CACNA1D: variants seen among roughly 807,000 people sequenced by gnomAD.
The protein encoded by CACNA1D is calcium voltage-gated channel subunit alpha1 D, also known as voltage-dependent L-type calcium channel subunit alpha-1D.
A neutral mutation model predicts 257.1 loss-of-function variants in CACNA1D; 55 were observed. The observed-to-expected ratio is 0.21, with a 90% CI of 0.17 to 0.27. The LOEUF is 0.27. CACNA1D is among the 10% of genes least tolerant of loss of function. The pLI is 1.00. For synonymous variants in CACNA1D, 980 were observed against 1,014.9 expected, an observed-to-expected ratio of 0.97 and a Z score of 0.65; for missense variants, 1,876 against 2,784.0, an observed-to-expected ratio of 0.67 and a Z score of 7.34.
At chr3:53,651,015 G>T in intron 4 of CACNA1D, 97 bp downstream of exon 4, 1 of 1,162,674 alleles carries the variant, frequency 8.6e-7, no homozygotes, top group Non-Finnish European at 1.3e-6. Context: ...TAGGGAATGT[G>T]GTTGCTCTTT....
intron 4 of CACNA1D, among the ~76,000 whole-genome samples, chr3:53,658,355 G>A (rs1449176570): frequency 6.6e-6 from 1 of 152,192 alleles, no homozygotes; most frequent in Non-Finnish European, 1.5e-5. Context: ...ATAACTCTTA[G>A]GAGTGGAAAC....
In CACNA1D at chr3:53,680,938, G is replaced by T. The variant is rs561873946; in HGVS notation, c.1220+7812G>T. Among the ~76,000 whole-genome samples the T allele has an allele frequency of 9.9e-5, 15 of 152,264 alleles. No individual in the cohort carries two copies. In the South Asian group the frequency reaches 2.1e-3, roughly 21 times the overall value. On this transcript the variant is annotated intron_variant, in intron 8 of 47. Transcript: ENST00000350061. ...AAGACCAGTAGATCTATAGTGTAGG[G>T]AACTCTTCCTTGTTAAAGTTCAACA... is the stretch of plus-strand genomic sequence containing the variant.
chr3:53,636,598 G>T (rs936623583), intron 3 of CACNA1D, among the ~76,000 whole-genome samples: 1 of 152,222 alleles, frequency 6.6e-6, no homozygotes, highest in African/African-American at 2.4e-5. Context: ...ATTAGCCACT[G>T]CGCCTGGCCG....
chr3:53,593,884 C>T (rs1400851068), intron 3 of CACNA1D, among the ~76,000 whole-genome samples: 1 of 152,218 alleles, frequency 6.6e-6, no homozygotes, highest in Non-Finnish European at 1.5e-5. Context: ...GAGATGGCTG[C>T]AGTCCCAGCC....
intron 3 of CACNA1D, among the ~76,000 whole-genome samples, chr3:53,645,420 G>GT (rs1232436690): frequency 2.0e-5 from 3 of 152,078 alleles, no homozygotes; most frequent in Non-Finnish European, 4.4e-5. Flanking sequence ...CTTTTACTCT[G>GT]TTTTTCTGTA....
intron 3 of CACNA1D, among the ~76,000 whole-genome samples, chr3:53,602,464 G>A (rs1394253433): frequency 2.0e-5 from 3 of 152,180 alleles, no homozygotes; most frequent in Non-Finnish European, 2.9e-5. Context: ...TCTGTTGGCT[G>A]TATACTCAGT....
chr3:53,599,720 A>G (rs966120294), intron 3 of CACNA1D, among the ~76,000 whole-genome samples: 28 of 152,346 alleles, frequency 1.8e-4, no homozygotes, highest in Admixed American at 1.4e-3. Flanking sequence ...CTATATGGGA[A>G]TTCTTACTAA....
intron 29 of CACNA1D, among the ~76,000 whole-genome samples, chr3:53,759,154 G>C (rs2095284950): frequency 6.6e-6 from 1 of 152,136 alleles, no homozygotes; most frequent in African/African-American, 2.4e-5. Flanking sequence ...TGAGTGTGAG[G>C]GGTTTCTGGA....
At chr3:53,542,275 A>G (rs1358784751) in intron 3 of CACNA1D, among the ~76,000 whole-genome samples, 1 of 151,670 alleles carries the variant, frequency 6.6e-6, no homozygotes, top group African/African-American at 2.4e-5. Flanking sequence ...AATTGAATGG[A>G]TGGTAAAGAG....
chr3:53,778,546 G>T (rs977406989), intron 37 of CACNA1D, among the ~76,000 whole-genome samples: 3 of 152,174 alleles, frequency 2.0e-5, no homozygotes, highest in African/African-American at 4.8e-5. Context: ...TGCTGTTAAT[G>T]AAAAATAAGA....
At chr3:53,500,786 A>C (rs1481224143) in intron 2 of CACNA1D, among the ~76,000 whole-genome samples, 2 of 152,268 alleles carry the variant, frequency 1.3e-5, no homozygotes, top group Non-Finnish European at 2.9e-5. Context: ...CAGAATGTTT[A>C]GGTAAGTATC....
chr3:53,647,451 C>A (rs2094034181), intron 3 of CACNA1D, among the ~76,000 whole-genome samples: 2 of 152,226 alleles, frequency 1.3e-5, no homozygotes, highest in Non-Finnish European at 2.9e-5. Flanking sequence ...CCCAGTCTTT[C>A]ATCCTTGACA....
chr3:53,782,120 C>T (rs2095428200), intron 39 of CACNA1D, among the ~76,000 whole-genome samples: 2 of 151,410 alleles, frequency 1.3e-5, no homozygotes, highest in Admixed American at 6.6e-5. Context: ...ACCGTAATTA[C>T]CAAAAATGTC....
intron 3 of CACNA1D, among the ~76,000 whole-genome samples, chr3:53,580,985 C>G (rs2093122793): frequency 6.6e-6 from 1 of 152,142 alleles, no homozygotes; most frequent in Admixed American, 6.5e-5. Flanking sequence ...AGATCTGGAC[C>G]CAAGTCCAGG....
In CACNA1D at chr3:53,759,952, CTGTGCTGTT is replaced by C. The variant is rs1249057294; in HGVS notation, c.3787-2044_3787-2036del. Among the ~76,000 whole-genome samples the C allele has an allele frequency of 1.2e-4, 19 of 152,340 alleles. No homozygotes were observed. The South Asian group carries it at 3.9e-3, about 32-fold the overall frequency. On this transcript the variant is annotated intron_variant, in intron 29 of 47. Coordinates refer to ENST00000350061, the MANE Select transcript of CACNA1D (RefSeq NM_001128840.3). ...GCAAAGGAAAGCTAGAAAGCATAAG[CTGTGCTGTT>C]TTTAAAATAGCCCTTCCCATTAGAC...
chr3:53,667,265 A>G (rs1405199450), intron 7 of CACNA1D, among the ~76,000 whole-genome samples: 2 of 152,230 alleles, frequency 1.3e-5, no homozygotes, highest in Non-Finnish European at 2.9e-5. Flanking sequence ...AGAGCCAGAA[A>G]GATTTGCTGT....
At chr3:53,767,401 C>T (rs1006173144) in intron 30 of CACNA1D, among the ~76,000 whole-genome samples, 2 of 152,034 alleles carry the variant, frequency 1.3e-5, no homozygotes, top group African/African-American at 4.8e-5. Flanking sequence ...CTCATCTCTA[C>T]TGAAAATACA....
At chr3:53,597,715 A>G (rs536514066) in intron 3 of CACNA1D, among the ~76,000 whole-genome samples, 1 of 152,154 alleles carries the variant, frequency 6.6e-6, no homozygotes, top group South Asian at 2.1e-4. Flanking sequence ...TGAGTTCCAG[A>G]GGCTTGTACA....
chr3:53,693,822 T>TTTTTG (rs1023589590), intron 8 of CACNA1D, among the ~76,000 whole-genome samples: 4 of 152,202 alleles, frequency 2.6e-5, no homozygotes, highest in African/African-American at 9.6e-5. Context: ...TTTCGAGGGT[T>TTTTTG]TTTTGTTTTG....
Sources: gnomAD v4.1 joint callset for allele counts (sites outside exome capture counted in the v4.1 genomes callset) on GRCh38, gnomAD v4.1.1 for gene constraint, MANE v1.5 for transcripts, NCBI Gene and HGNC (gene_info 2026-07-23, HGNC 2026-07-21) for gene names.